DSG2: variants seen among roughly 807,000 people sequenced by gnomAD.
The protein encoded by DSG2 is desmoglein 2.
A neutral mutation model predicts 75.6 loss-of-function variants in DSG2; 45 were observed. The ratio of observed to expected loss-of-function variants is 0.60; its 90% confidence interval spans 0.47 to 0.76. The LOEUF is 0.76. Ranked by LOEUF, DSG2 falls within the 30% of genes least tolerant of loss-of-function variation. The pLI is 0.00. For missense variants in DSG2, 1,267 were observed against 1,357.4 expected, an observed-to-expected ratio of 0.93 and a Z score of 1.05; for synonymous variants, 429 against 483.9, an observed-to-expected ratio of 0.89 and a Z score of 1.49.
intron 1 of DSG2, among the ~76,000 whole-genome samples, chr18:31,504,523 T>G (rs1471506233): frequency 6.6e-6 from 1 of 151,870 alleles, no homozygotes; most frequent in Non-Finnish European, 1.5e-5. Flanking sequence ...CTGCAGTGCT[T>G]CTCACCCCTT....
intron 14 of DSG2, among the ~76,000 whole-genome samples, 173 bp from the exon 15 acceptor site, chr18:31,545,548 A>G (rs976031724): frequency 1.3e-5 from 2 of 152,154 alleles, no homozygotes; most frequent in African/African-American, 4.8e-5. Context: ...TTTTAAGAAT[A>G]CAGTCCAGTT....
chr18:31,498,976 T>G (rs919146549), intron 1 of DSG2, among the ~76,000 whole-genome samples: 1 of 152,002 alleles, frequency 6.6e-6, no homozygotes, highest in Non-Finnish European at 1.5e-5. Flanking sequence ...TTACAGAAAA[T>G]GGAAGTGTAG....
intron 14 of DSG2, among the ~76,000 whole-genome samples, chr18:31,544,198 T>G (rs2073289169): frequency 6.6e-6 from 1 of 152,014 alleles, no homozygotes; most frequent in African/African-American, 2.4e-5. Context: ...GAACACTCTA[T>G]GCAACAGAAG....
chr18:31,505,754 C>G (rs528814478), intron 1 of DSG2, among the ~76,000 whole-genome samples: 2 of 151,458 alleles, frequency 1.3e-5, no homozygotes, highest in Non-Finnish European at 2.9e-5. Flanking sequence ...TTCCGCCTCC[C>G]AGGTTCCAGC....
At chr18:31,516,713 C>T (rs1187566203) in intron 1 of DSG2, among the ~76,000 whole-genome samples, 1 of 152,178 alleles carries the variant, frequency 6.6e-6, no homozygotes, top group Non-Finnish European at 1.5e-5. Flanking sequence ...GCCACTGTGG[C>T]CTCCTCTAGC....
Position 31,541,262 on chromosome 18 carries a change from C to T in DSG2, c.1949C>T (p.Thr650Ile), listed in dbSNP as rs373512167. 9.9e-6 allele frequency: 16 copies of T among 1,613,994 alleles called. No individual in the cohort carries two copies. The African/African-American group carries it at 2.0e-4, about 20-fold the overall frequency. The change falls in exon 13 of 15, where the codon ACC becomes ATC. Residue 650 changes from threonine (T) to isoleucine (I), a missense_variant. By Grantham distance (89) the Thr-to-Ile change is moderately conservative. Transcript: ENST00000261590. The stretch of plus-strand genomic sequence containing the variant: ...AAAGGCTTTACCCCCATACCTGGCA[C>T]CATAGAGATGCTGCATCCTTGGAAT... ...GAKGFTPIPG[T>I]IEMLHPWNNE...
rs2073332057 is a variant in DSG2, at chr18:31,548,672, C to T, written c.*1929C>T. 1.3e-5 allele frequency: 2 copies of T among 152,196 alleles called. No individual in the cohort carries two copies. The highest frequency in any genetic ancestry group is 4.8e-5 in the African/African-American group (2 of 41,456). The allele number at this position is 152,196 out of a possible 1,614,324, so 9.4% of individuals were successfully genotyped here. ...TACTCAAACAAAAGTTGGTCTTAAG[C>T]TTCCACCTTGAGCAGCCTTGGAAAC... On this transcript the variant is annotated 3_prime_UTR_variant, in exon 15 of 15. Transcript: ENST00000261590.
At chr18:31,527,112 G>A (rs2073167461) in intron 8 of DSG2, among the ~76,000 whole-genome samples, 1 of 152,066 alleles carries the variant, frequency 6.6e-6, no homozygotes. Flanking sequence ...CTATACAGCT[G>A]TACCATTTTT....
chr18:31,515,984 G>A (rs2073092123), intron 1 of DSG2, among the ~76,000 whole-genome samples: 1 of 152,198 alleles, frequency 6.6e-6, no homozygotes, highest in South Asian at 2.1e-4. Context: ...AAACAACTGA[G>A]AAAAGCTACA....
chr18:31,522,484 A>AT, intron 6 of DSG2: 1 of 377,936 alleles, frequency 2.6e-6, no homozygotes, highest in Non-Finnish European at 4.8e-6. Flanking sequence ...TGTGTAATAT[A>AT]TGCACCAGAT....
Position 31,524,698 on chromosome 18 carries a change from T to C in DSG2, c.829-5T>C, listed in dbSNP as rs373438324. On this transcript the variant is annotated splice_polypyrimidine_tract_variant and splice_region_variant and intron_variant, in intron 7 of 14. Transcript: ENST00000261590. ...AAATAAAAATCATGTGTTCATGTTT[T>C]GCAGCTTGAAGGGATGGTTGAAGAA... 2 of 1,614,086 alleles carry C rather than the reference T, an allele frequency of 1.2e-6. No individual in the cohort carries two copies. The highest frequency in any genetic ancestry group is 1.7e-6 in the Non-Finnish European group (2 of 1,180,036).
intron 1 of DSG2, among the ~76,000 whole-genome samples, chr18:31,500,036 TAA>T (rs10625787): frequency 3.6e-4 from 40 of 110,926 alleles, no homozygotes; most frequent in Admixed American, 5.0e-4. Context: ...AGTTTTTTGG[TAA>T]AAAAAAAAAA....
chr18:31,545,876 A>ACTT lies in DSG2; in HGVS notation c.2491_2493dup (p.Leu831dup). The ACTT allele has an allele frequency of 1.2e-6, 2 of 1,614,106 alleles. No homozygotes were observed. The highest frequency in any genetic ancestry group is 2.7e-5 in the African/African-American group (2 of 75,004). On this transcript the variant is annotated inframe_insertion, in exon 15 of 15. Coordinates refer to ENST00000261590, the MANE Select transcript of DSG2 (RefSeq NM_001943.5). ...ATGACCGCTTCTTAGATGATTTGGG[A>ACTT]CTTAAATTCAAGACACTAGCTGAAG...
intron 9 of DSG2, among the ~76,000 whole-genome samples, chr18:31,534,057 C>A (rs2073214090): frequency 7.0e-6 from 1 of 142,080 alleles, no homozygotes; most frequent in Non-Finnish European, 1.5e-5. Context: ...GTGGCACGAT[C>A]TCGGCTTACT....
chr18:31,516,156 T>C (rs2144308215), intron 1 of DSG2, among the ~76,000 whole-genome samples: 1 of 152,084 alleles, frequency 6.6e-6, no homozygotes, highest in East Asian at 1.9e-4. Flanking sequence ...TTTTTTAAGA[T>C]AAGGAAAACC....
In DSG2 at chr18:31,527,628, C is replaced by T. The variant is rs572464993; in HGVS notation, c.1014+2740C>T. The stretch of plus-strand genomic sequence containing the variant: ...AAGATATACAAGTAGCAAATACCCA[C>T]GTGAAAAGGTGCCAACATCATTACT... On this transcript the variant is annotated intron_variant, in intron 8 of 14. Coordinates refer to ENST00000261590, the MANE Select transcript of DSG2 (RefSeq NM_001943.5). 1.6e-3 allele frequency among the ~76,000 whole-genome samples: 238 copies of T among 152,290 alleles called. 3 individuals carry two copies. The South Asian group carries it at 0.028, about 18-fold the overall frequency.
intron 1 of DSG2, among the ~76,000 whole-genome samples, chr18:31,506,763 C>T (rs532668444): frequency 1.4e-4 from 21 of 152,208 alleles, no homozygotes; most frequent in African/African-American, 4.8e-4. Context: ...GCATTTGTGG[C>T]CATTACAGAA....
intron 10 of DSG2, 123 bp downstream of exon 10, chr18:31,535,535 C>T: frequency 1.2e-6 from 1 of 849,844 alleles, no homozygotes; most frequent in South Asian, 1.7e-5. Flanking sequence ...GTGGCTCATG[C>T]CTGTAATCCC....
At position 31,498,307 on chromosome 18, in the gene DSG2, C is replaced by A; in HGVS notation, c.45+11C>A. 7.9e-7 allele frequency: 1 copy of A among 1,262,366 alleles called. No individual in the cohort carries two copies. 78.2% of individuals were successfully genotyped at this position (1,262,366 alleles called of 1,614,324 possible). ...CTGCTGCTTCTCCTGGTAAGTGCCG[C>A]AAGCGGGACAGGGGAGCCACCGCCG... On this transcript the variant is annotated intron_variant, in intron 1 of 14. Coordinates refer to ENST00000261590, the MANE Select transcript of DSG2 (RefSeq NM_001943.5).
Sources: allele counts gnomAD v4.1 joint callset (sites outside exome capture counted in the v4.1 genomes callset), GRCh38; gene constraint gnomAD v4.1.1; transcripts MANE v1.5; gene names NCBI Gene and HGNC (gene_info 2026-07-23, HGNC 2026-07-21).